AKNA: variants seen among roughly 807,000 people sequenced by gnomAD.
AKNA encodes microtubule organization protein AKNA.
In AKNA, 67 loss-of-function variants were observed where a neutral mutation model predicts 138.8. That is an observed-to-expected ratio of 0.48 (90% CI 0.40 to 0.59). AKNA has a LOEUF of 0.59. Among genes scored for constraint, AKNA ranks in the 20% least tolerant of loss-of-function variants. AKNA has a pLI of 0.00. For missense variants in AKNA, 1,813 were observed against 1,880.4 expected (o/e 0.96, Z 0.66); for synonymous variants, 737 against 754.4 (o/e 0.98, Z 0.38).
At position 114,335,577 on chromosome 9, in the gene AKNA, G is replaced by A. The variant is rs1322000304; in HGVS notation, c.*1477C>T. 5 of 152,140 alleles carry A rather than the reference G, an allele frequency of 3.3e-5. No individual in the cohort carries two copies. Among genetic ancestry groups the A allele is most frequent in the African/African-American group, 1.2e-4 (5 of 41,428 alleles). The allele number at this position is 152,140 out of a possible 1,614,324, so 9.4% of individuals were successfully genotyped here. On this transcript the variant is annotated 3_prime_UTR_variant, in exon 22 of 22. Coordinates refer to ENST00000374088, the MANE Select transcript of AKNA (RefSeq NM_001317950.2). Reference sequence around the variant, plus strand: ...ACCTGAGGCTGGGAGTGCAAGATCAGCCCGACCAACATGGAGAAACCCTGT... The same window carrying A: ...ACCTGAGGCTGGGAGTGCAAGATCAACCCGACCAACATGGAGAAACCCTGT...
intron 12 of AKNA, among the ~76,000 whole-genome samples, chr9:114,357,466 C>CATGTCTA (rs1388243779): frequency 3.3e-5 from 5 of 152,196 alleles, no homozygotes; most frequent in Non-Finnish European, 7.3e-5. Context: ...TCGCTGAGTT[C>CATGTCTA]ATGTCTAGTG....
rs764441275 is a variant in AKNA, at chr9:114,342,045, G to A, written c.3838C>T (p.Pro1280Ser). ...GAGCCTGGACCATCTGCCTCTGGGG[G>A]AGACCCAACTTGACCACACAGGGGA... ...QCPLCGQVGS[P>S]PEADGPGSAT... The change falls in exon 20 of 22, where the codon CCC becomes TCC. Residue 1280 changes from proline to serine, a missense_variant. By Grantham distance (74) the Pro-to-Ser change is moderately conservative (BLOSUM62 -1). Coordinates refer to ENST00000374088, the MANE Select transcript of AKNA (RefSeq NM_001317950.2). The A allele has an allele frequency of 6.2e-6, 10 of 1,613,980 alleles. No homozygotes were observed. The highest frequency in any genetic ancestry group is 8.5e-6 in the Non-Finnish European group (10 of 1,179,978).
intron 6 of AKNA, 83 bp downstream of exon 6, chr9:114,367,460 G>T: frequency 6.6e-7 from 1 of 1,505,786 alleles, no homozygotes; most frequent in Non-Finnish European, 9.0e-7. Flanking sequence ...GACTCCCAGA[G>T]TGCCTCTCAC....
In AKNA at chr9:114,368,224, G is replaced by A. The variant is rs957395256; in HGVS notation, c.1573+215C>T. 3.2e-5 allele frequency: 14 copies of A among 444,430 alleles called. No homozygotes were observed. The East Asian group carries it at 3.6e-4, about 11-fold the overall frequency. The allele number at this position is 444,430 out of a possible 1,614,324, so 27.5% of individuals were successfully genotyped here. A position where few individuals can be genotyped will look rare whatever the true frequency, so the allele number is the denominator to read the frequency against. On this transcript the variant is annotated intron_variant, in intron 5 of 21. Transcript: ENST00000374088. ...CCCAGGGTCACCAAGATGCCAAGTG[G>A]CAGGGCCAGGGCTGCCCCCAGGCTG... is the stretch of plus-strand genomic sequence containing the variant.
chr9:114,361,873 A>G lies in AKNA; in HGVS notation c.1955T>C (p.Leu652Pro). The G allele has an allele frequency of 1.2e-6, 2 of 1,607,620 alleles. No individual in the cohort carries two copies. Among genetic ancestry groups the G allele is most frequent in the South Asian group, 1.1e-5 (1 of 91,076 alleles). ...EAEIYRLGSC[L>P]EELKEHIDQT... ...GTCTATGTGTTCCTTCAGCTCTTCC[A>G]GGCAGCTTCCCAGACGGTATATCTC... is the stretch of plus-strand genomic sequence containing the variant. Residue 652 changes from leucine to proline, a missense_variant, in exon 9 of 22, where the codon CTG (leucine) becomes CCG (proline). Transcript: ENST00000374088.
intron 2 of AKNA, among the ~76,000 whole-genome samples, chr9:114,380,742 G>A (rs1023077479): frequency 2.0e-5 from 3 of 151,326 alleles, no homozygotes; most frequent in African/African-American, 7.3e-5. Flanking sequence ...TTGGGAGGCC[G>A]AGGCGGGCGG....
intron 2 of AKNA, 73 bp downstream of exon 2, chr9:114,380,981 CAAAAAA>C (rs34055519): frequency 2.9e-4 from 326 of 1,109,394 alleles, no homozygotes; most frequent in African/African-American, 9.6e-4. Context: ...GACTCTGTCT[CAAAAAA>C]AAAAAAAAAA....
Position 114,376,797 on chromosome 9 carries a change from G to A in AKNA, c.1010C>T (p.Thr337Ile). The A allele has an allele frequency of 6.2e-7, 1 of 1,612,082 alleles. No individual in the cohort carries two copies. Among genetic ancestry groups the A allele is most frequent in the Non-Finnish European group, 8.5e-7 (1 of 1,178,926 alleles). The change falls in exon 3 of 22, where the codon ACT (threonine) becomes ATT (isoleucine). Residue 337 changes from threonine (T) to isoleucine (I), a missense_variant. Transcript: ENST00000374088. ...ATTAGAAGAGGAGCGGCCAGCCAGA[G>A]TGGCTCCCTGTCTGGGCAGCGGCCT... ...QGRPLPRQGA[T>I]LAGRSSSNAP...
At chr9:114,358,288 C>T in intron 11 of AKNA, 121 bp from the exon 12 acceptor site, 1 of 1,395,440 alleles carries the variant, frequency 7.2e-7, no homozygotes, top group Non-Finnish European at 9.7e-7. Context: ...TCCCTGGCTG[C>T]CCAGCCTGGT....
chr9:114,331,381 T>C (rs539183458), downstream of AKNA, among the ~76,000 whole-genome samples: 1 of 151,960 alleles, frequency 6.6e-6, no homozygotes, highest in East Asian at 1.9e-4. Context: ...TGAGATCTCA[T>C]GTACAGAAAG....
At chr9:114,365,556 T>C (rs754396030) in intron 6 of AKNA, among the ~76,000 whole-genome samples, 18 of 151,996 alleles carry the variant, frequency 1.2e-4, no homozygotes, top group Non-Finnish European at 2.2e-4. Flanking sequence ...GAAATGTATA[T>C]TATATAATCA....
At chr9:114,382,294 GA>G (rs35190998) in intron 1 of AKNA, among the ~76,000 whole-genome samples, 2 of 152,064 alleles carry the variant, frequency 1.3e-5, no homozygotes, top group African/African-American at 4.8e-5. Flanking sequence ...GGAGGATGAT[GA>G]AAAAAGCATT....
chr9:114,351,555 G>A (rs948473001), intron 14 of AKNA, among the ~76,000 whole-genome samples: 2 of 152,028 alleles, frequency 1.3e-5, no homozygotes, highest in African/African-American at 4.8e-5. Flanking sequence ...GCTCACGCCT[G>A]TAATCCCAGC....
At chr9:114,361,636 G>A in intron 9 of AKNA, 68 bp downstream of exon 9, 1 of 1,540,474 alleles carries the variant, frequency 6.5e-7, no homozygotes, top group South Asian at 1.1e-5. Context: ...AATACGTATT[G>A]AAGAAATGAA....
At chr9:114,337,824 TG>T (rs1830099941) in intron 21 of AKNA, among the ~76,000 whole-genome samples, 1 of 151,660 alleles carries the variant, frequency 6.6e-6, no homozygotes, top group South Asian at 2.1e-4. Flanking sequence ...TCTGCAGGAG[TG>T]GGAGGGTCTG....
At chr9:114,380,754 T>C (rs529055864) in intron 2 of AKNA, among the ~76,000 whole-genome samples, 2 of 148,004 alleles carry the variant, frequency 1.4e-5, no homozygotes, top group South Asian at 2.1e-4. Flanking sequence ...GGCGGGCGGA[T>C]CACGAGGTCA....
intron 5 of AKNA, among the ~76,000 whole-genome samples, 162 bp from the exon 6 acceptor site, chr9:114,367,859 T>C (rs1412166961): frequency 6.6e-6 from 1 of 152,202 alleles, no homozygotes; most frequent in African/African-American, 2.4e-5. Context: ...GGTAGAACAT[T>C]GTCCCCCATT....
At chr9:114,372,333 T>TG (rs910695953) in intron 4 of AKNA, among the ~76,000 whole-genome samples, 2 of 151,674 alleles carry the variant, frequency 1.3e-5, no homozygotes, top group Non-Finnish European at 2.9e-5. Flanking sequence ...TGACTACACA[T>TG]GGGGGGGACC....
At chr9:114,377,560 G>A in intron 2 of AKNA, 28 bp from the exon 3 acceptor site, 1 of 1,557,698 alleles carries the variant, frequency 6.4e-7, no homozygotes, top group Non-Finnish European at 8.7e-7. Context: ...TCACTTCTTA[G>A]CATATACCAG....
Sources: allele counts gnomAD v4.1 joint callset (sites outside exome capture counted in the v4.1 genomes callset), GRCh38; gene constraint gnomAD v4.1.1; transcripts MANE v1.5; gene names NCBI Gene and HGNC (gene_info 2026-07-23, HGNC 2026-07-21).